Variants in EXOC4 observed in about 807,000 individuals in gnomAD.
EXOC4 encodes the protein SEC8-like 1.
EXOC4 carries 71 observed loss-of-function variants against 107.2 expected under a neutral mutation model. That is an observed-to-expected ratio of 0.66 (90% CI 0.55 to 0.81). The LOEUF (loss-of-function observed/expected upper bound fraction) is 0.81. EXOC4 is among the 30% of genes least tolerant of loss of function. EXOC4 has a pLI of 0.00. For missense variants in EXOC4, 1,108 were observed against 1,189.6 expected (o/e 0.93, Z 1.01); for synonymous variants, 456 against 441.2 (o/e 1.03, Z -0.42).
intron 12 of EXOC4, among the ~76,000 whole-genome samples, chr7:133,905,082 A>G (rs564892334): frequency 6.9e-4 from 105 of 152,286 alleles, no homozygotes; most frequent in African/African-American, 2.5e-3. Context: ...GGAGGAAGGG[A>G]GCAGGAAGAC....
intron 9 of EXOC4, among the ~76,000 whole-genome samples, chr7:133,552,803 A>G (rs1274581088): frequency 6.6e-6 from 1 of 152,088 alleles, no homozygotes; most frequent in Non-Finnish European, 1.5e-5. Flanking sequence ...ATAACAAATC[A>G]TATTTTTTCA....
intron 14 of EXOC4, among the ~76,000 whole-genome samples, chr7:133,973,144 C>G (rs1020929605): frequency 1.3e-5 from 2 of 152,084 alleles, no homozygotes; most frequent in Admixed American, 1.3e-4. Context: ...CATGGATAAA[C>G]AAGACCCAGC....
At chr7:133,823,382 C>T (rs1048763789) in intron 11 of EXOC4, among the ~76,000 whole-genome samples, 1 of 152,110 alleles carries the variant, frequency 6.6e-6, no homozygotes, top group African/African-American at 2.4e-5. Context: ...ATTGGTTGCT[C>T]AGGGGTGGGG....
intron 3 of EXOC4, among the ~76,000 whole-genome samples, chr7:133,305,353 G>T (rs1251759604): frequency 6.6e-6 from 1 of 152,128 alleles, no homozygotes; most frequent in Non-Finnish European, 1.5e-5. Context: ...TAGCATTCAT[G>T]TAAAAAAATG....
At chr7:134,019,849 T>A (rs1794989685) in intron 17 of EXOC4, among the ~76,000 whole-genome samples, 1 of 152,236 alleles carries the variant, frequency 6.6e-6, no homozygotes, top group South Asian at 2.1e-4. Flanking sequence ...TCCCCCTTGA[T>A]TTCCACTGAG....
At chr7:133,413,299 T>G (rs1047985116) in intron 7 of EXOC4, among the ~76,000 whole-genome samples, 1 of 152,112 alleles carries the variant, frequency 6.6e-6, no homozygotes. Flanking sequence ...ACCAAATTCC[T>G]TGTCATTTTG....
chr7:133,390,475 A>G (rs1796828651), intron 7 of EXOC4, among the ~76,000 whole-genome samples: 1 of 152,194 alleles, frequency 6.6e-6, no homozygotes, highest in African/African-American at 2.4e-5. Flanking sequence ...CGAGTCCATA[A>G]GTGAGCCTGG....
rs1038063999 is a variant in EXOC4 at position 133,275,071 on chromosome 7, A to G, written c.176A>G (p.Asp59Gly). 6.2e-7 allele frequency: 1 copy of G among 1,613,898 alleles called. No homozygotes were observed. The highest frequency in any genetic ancestry group is 8.5e-7 in the Non-Finnish European group (1 of 1,179,816). Reference protein sequence around the residue: ...EAYEKCDRDLDELIVQHYTEL... With the variant: ...EAYEKCDRDLGELIVQHYTEL... ...TACGAGAAATGTGACCGTGACCTGGATGAATTGATTGTACAGCACTACACA... is the reference window on the plus strand; with the variant it reads ...TACGAGAAATGTGACCGTGACCTGGGTGAATTGATTGTACAGCACTACACA... Residue 59 changes from aspartate (D) to glycine (G), a missense_variant, in exon 2 of 18, where the codon GAT (aspartate) becomes GGT (glycine). Transcript: ENST00000253861.
chr7:133,535,677 T>C (rs1349891359), intron 9 of EXOC4, among the ~76,000 whole-genome samples: 1 of 152,210 alleles, frequency 6.6e-6, no homozygotes, highest in African/African-American at 2.4e-5. Context: ...TTTTATATGA[T>C]TAAAAATGAT....
chr7:133,850,642 AC>A (rs1563026283), intron 11 of EXOC4, among the ~76,000 whole-genome samples: 2 of 147,832 alleles, frequency 1.4e-5, no homozygotes, highest in Non-Finnish European at 3.0e-5. Flanking sequence ...TTACCCCCCC[AC>A]ACACACACAC....
intron 10 of EXOC4, among the ~76,000 whole-genome samples, chr7:133,683,395 G>A (rs917596205): frequency 1.8e-4 from 27 of 152,062 alleles, no homozygotes; most frequent in Non-Finnish European, 2.8e-4. Context: ...TATATGCAGC[G>A]TTGGTTCATA....
intron 10 of EXOC4, among the ~76,000 whole-genome samples, chr7:133,796,392 C>T (rs1796815147): frequency 6.6e-6 from 1 of 152,152 alleles, no homozygotes; most frequent in South Asian, 2.1e-4. Flanking sequence ...CAGAAAGATT[C>T]CTCAGTTCAG....
chr7:134,006,217 A>G (rs1169328246), intron 16 of EXOC4, among the ~76,000 whole-genome samples: 1 of 151,508 alleles, frequency 6.6e-6, no homozygotes, highest in East Asian at 1.9e-4. Context: ...ATAATATATT[A>G]TTATTTCTTA....
chr7:133,758,715 A>C (rs926838403), intron 10 of EXOC4, among the ~76,000 whole-genome samples: 4 of 152,244 alleles, frequency 2.6e-5, no homozygotes, highest in African/African-American at 9.6e-5. Flanking sequence ...TTATACACTG[A>C]AAGTGTGTAT....
chr7:133,900,197 T>G (rs997160895), intron 12 of EXOC4, among the ~76,000 whole-genome samples: 1 of 152,136 alleles, frequency 6.6e-6, no homozygotes, highest in Non-Finnish European at 1.5e-5. Flanking sequence ...AGATTCTACC[T>G]TTCATGTGCT....
At chr7:133,517,392 T>C (rs1799896867) in intron 9 of EXOC4, among the ~76,000 whole-genome samples, 1 of 152,138 alleles carries the variant, frequency 6.6e-6, no homozygotes. Flanking sequence ...ACAAAGATAA[T>C]ATATAATTTT....
chr7:134,006,344 G>T (rs141646661), intron 16 of EXOC4, among the ~76,000 whole-genome samples: 3 of 146,970 alleles, frequency 2.0e-5, no homozygotes, highest in African/African-American at 7.3e-5. Context: ...TTACAGACTT[G>T]AGAGAATGAC....
At chr7:134,098,113 C>T in the EXOC4 span, among the ~76,000 whole-genome samples, 7 of 152,262 alleles carry the variant, frequency 4.6e-5, no homozygotes, top group South Asian at 1.5e-3. Flanking sequence ...ATGTTCTTTT[C>T]AACCAAGATC....
intron 10 of EXOC4, among the ~76,000 whole-genome samples, chr7:133,806,412 T>C (rs1407210890): frequency 1.3e-5 from 2 of 152,194 alleles, no homozygotes; most frequent in South Asian, 4.1e-4. Flanking sequence ...TTTGAAAGTA[T>C]CTATCAAGTG....
Sources: gnomAD v4.1 joint callset for allele counts (sites outside exome capture counted in the v4.1 genomes callset) on GRCh38, gnomAD v4.1.1 for gene constraint, MANE v1.5 for transcripts, NCBI Gene and HGNC (gene_info 2026-07-23, HGNC 2026-07-21) for gene names.